GSDMC: variants seen among roughly 807,000 people sequenced by gnomAD.
The protein encoded by GSDMC is gasdermin-C.
A neutral mutation model predicts 58.0 loss-of-function variants in GSDMC; 59 were observed. That is an observed-to-expected ratio of 1.02 (90% confidence interval 0.82 to 1.26). The LOEUF is 1.26. GSDMC is among the 50% of genes most tolerant of loss of function. The pLI is 0.00. For synonymous variants in GSDMC, 241 were observed against 220.2 expected, an observed-to-expected ratio of 1.09 and a Z score of -0.83; for missense variants, 659 against 598.5, an observed-to-expected ratio of 1.10 and a Z score of -1.06.
chr8:129,774,552 G>GA (rs2034162948), intron 3 of GSDMC, among the ~76,000 whole-genome samples: 1 of 147,798 alleles, frequency 6.8e-6, no homozygotes, highest in Admixed American at 6.7e-5. Context: ...GAAAAGAAAA[G>GA]AAAAAATAAG....
chr8:129,762,621 C>CCCA lies in GSDMC; in HGVS notation c.676+2_676+4dup. On this transcript the variant is annotated splice_donor_region_variant and intron_variant, in intron 5 of 13. Coordinates refer to ENST00000276708, the MANE Select transcript of GSDMC (RefSeq NM_031415.3). ...ATCTGCCTTGCTGAGCTCCGCTGCT[C>CCCA]CCACCTTTCTCCTTGATAACCAGCT... 1 of 1,586,108 alleles carries CCCA rather than the reference C, an allele frequency of 6.3e-7. No individual in the cohort carries two copies. The highest frequency in any genetic ancestry group is 8.7e-7 in the Non-Finnish European group (1 of 1,154,240).
At chr8:129,712,567 T>C in the GSDMC span, among the ~76,000 whole-genome samples, 10 of 151,904 alleles carry the variant, frequency 6.6e-5, no homozygotes, top group African/African-American at 1.2e-4. Context: ...ACCCGAATCA[T>C]TGGGCTGCAG....
chr8:129,751,742 T>G, intron 9 of GSDMC, 120 bp downstream of exon 9: 1 of 1,183,210 alleles, frequency 8.5e-7, no homozygotes, highest in Non-Finnish European at 1.2e-6. Context: ...CCATTCCACA[T>G]GACCAAACGC....
chr8:129,779,253 T>G (rs957167944), intron 1 of GSDMC, among the ~76,000 whole-genome samples: 8 of 152,168 alleles, frequency 5.3e-5, no homozygotes, highest in Non-Finnish European at 8.8e-5. Flanking sequence ...ACGCGGTACA[T>G]ATACCTCATG....
At chr8:129,769,381 GA>G (rs911804402) in intron 3 of GSDMC, among the ~76,000 whole-genome samples, 1 of 152,030 alleles carries the variant, frequency 6.6e-6, no homozygotes, top group Non-Finnish European at 1.5e-5. Context: ...GATACTGAAA[GA>G]AAAAAACTGT....
chr8:129,721,815 T>A, the GSDMC span, among the ~76,000 whole-genome samples: 1 of 152,204 alleles, frequency 6.6e-6, no homozygotes, highest in East Asian at 1.9e-4. Context: ...GATACCTCAC[T>A]CATGGTTCCA....
At chr8:129,746,287 A>G (rs541622765), downstream of GSDMC, among the ~76,000 whole-genome samples, 4 of 152,372 alleles carry the variant, frequency 2.6e-5, no homozygotes, top group Admixed American at 1.3e-4. Context: ...AGAGACTGTA[A>G]AGCTAAGGAA....
At chr8:129,723,705 A>G in the GSDMC span, among the ~76,000 whole-genome samples, 1 of 152,202 alleles carries the variant, frequency 6.6e-6, no homozygotes, top group Non-Finnish European at 1.5e-5. Context: ...GATTTCCAAA[A>G]TAAAAAGAGA....
the GSDMC span, among the ~76,000 whole-genome samples, chr8:129,721,407 C>A: frequency 6.6e-6 from 1 of 152,168 alleles, no homozygotes; most frequent in Non-Finnish European, 1.5e-5. Context: ...CTGAAGCTGG[C>A]AAATCCTACT....
the GSDMC span, among the ~76,000 whole-genome samples, chr8:129,723,712 G>A: frequency 6.6e-6 from 1 of 152,116 alleles, no homozygotes; most frequent in Non-Finnish European, 1.5e-5. Flanking sequence ...AAAATAAAAA[G>A]AGACCCAGAG....
At chr8:129,770,638 ATGC>A in intron 3 of GSDMC, among the ~76,000 whole-genome samples, 1 of 152,344 alleles carries the variant, frequency 6.6e-6, no homozygotes, top group South Asian at 2.1e-4. Flanking sequence ...TGTATTAGAT[ATGC>A]AAAAGATTAA....
the GSDMC span, among the ~76,000 whole-genome samples, chr8:129,707,380 G>T: frequency 6.6e-6 from 1 of 152,074 alleles, no homozygotes. Context: ...AAAATATGAA[G>T]ATTTTTTTCT....
chr8:129,765,496 A>T, intron 4 of GSDMC, 132 bp downstream of exon 4: 1 of 719,280 alleles, frequency 1.4e-6, no homozygotes, highest in Non-Finnish European at 2.5e-6. Context: ...ACATGTAAGA[A>T]GGGGGAAATA....
chr8:129,764,017 C>T (rs1380545231), intron 4 of GSDMC, among the ~76,000 whole-genome samples: 1 of 152,166 alleles, frequency 6.6e-6, no homozygotes, highest in African/African-American at 2.4e-5. Context: ...TTTCTAAGAG[C>T]TATAAATATC....
chr8:129,744,609 T>C (rs1010078260), downstream of GSDMC, among the ~76,000 whole-genome samples: 4 of 152,244 alleles, frequency 2.6e-5, no homozygotes, highest in African/African-American at 9.6e-5. Context: ...GCAGCTGTGT[T>C]TCACAAAGTC....
At chr8:129,752,624 C>T (rs1007539533) in intron 7 of GSDMC, 74 bp downstream of exon 7, 5 of 1,569,480 alleles carry the variant, frequency 3.2e-6, no homozygotes, top group African/African-American at 2.7e-5. Context: ...CACATAAACA[C>T]CAAATTTTAA....
At chr8:129,734,748 C>T in the GSDMC span, among the ~76,000 whole-genome samples, 1 of 152,130 alleles carries the variant, frequency 6.6e-6, no homozygotes, top group South Asian at 2.1e-4. Context: ...GAAGAAACTG[C>T]ATCAACTAAC....
intron 3 of GSDMC, among the ~76,000 whole-genome samples, chr8:129,768,868 C>T (rs1289963317): frequency 6.6e-6 from 1 of 152,110 alleles, no homozygotes; most frequent in Non-Finnish European, 1.5e-5. Context: ...TCACTTGTGT[C>T]CAGGAGTTCA....
At chr8:129,729,696 T>A in the GSDMC span, 6 of 487,536 alleles carry the variant, frequency 1.2e-5, no homozygotes, top group African/African-American at 2.0e-5. Flanking sequence ...ACATTTTCTT[T>A]ATCCAGTCTA....
Sources: allele counts gnomAD v4.1 joint callset (sites outside exome capture counted in the v4.1 genomes callset), GRCh38; gene constraint gnomAD v4.1.1; transcripts MANE v1.5; gene names NCBI Gene and HGNC (gene_info 2026-07-23, HGNC 2026-07-21).